Variants in TFDP2 observed in about 807,000 individuals in gnomAD.
TFDP2 encodes the protein transcription factor Dp-2.
Under a neutral mutation model 59.3 loss-of-function variants are expected in TFDP2, and 17 were observed. That is an observed-to-expected ratio of 0.29 (90% CI 0.20 to 0.43). TFDP2 has a LOEUF of 0.43. Ranked by LOEUF, TFDP2 falls within the 20% of genes least tolerant of loss-of-function variation. The probability of loss-of-function intolerance (pLI) is 1.00; values close to 1 mark genes in which losing one functional copy is unlikely to be tolerated. For missense variants in TFDP2, 391 were observed against 528.8 expected (o/e 0.74, Z 2.56); for synonymous variants, 180 against 194.7 (o/e 0.92, Z 0.63).
chr3:142,126,717 C>A (rs970809947), intron 1 of TFDP2, among the ~76,000 whole-genome samples: 2 of 151,758 alleles, frequency 1.3e-5, no homozygotes, highest in East Asian at 1.9e-4. Context: ...GAGGCTGAGG[C>A]GGGCAGATCA....
intron 3 of TFDP2, among the ~76,000 whole-genome samples, chr3:142,086,517 G>A (rs2060815685): frequency 6.6e-6 from 1 of 152,180 alleles, no homozygotes; most frequent in African/African-American, 2.4e-5. Flanking sequence ...ATGTTTATCA[G>A]TTAATTTTTA....
rs2063302115 is a variant in TFDP2, at chr3:142,149,313, G to A, written c.-223C>T. On this transcript the variant is annotated 5_prime_UTR_variant, in exon 1 of 13. Transcript: ENST00000489671. ...GCCGGGTCCCGGTGGACTCACACCC[G>A]GGGAGACGCGGCCTGCCCGGTCAAG... The A allele has an allele frequency of 2.5e-6, 1 of 394,858 alleles. No homozygotes were observed. The highest frequency in any genetic ancestry group is 4.4e-5 in the Admixed American group (1 of 22,604). The allele number at this position is 394,858 out of a possible 1,614,324, so 24.5% of individuals were successfully genotyped here.
chr3:142,083,380 C>A (rs1045818140), intron 3 of TFDP2, among the ~76,000 whole-genome samples: 3 of 152,068 alleles, frequency 2.0e-5, no homozygotes, highest in Non-Finnish European at 4.4e-5. Flanking sequence ...GAAAGGTATT[C>A]CATATTCATA....
At chr3:141,989,881 A>T (rs568295341) in intron 6 of TFDP2, among the ~76,000 whole-genome samples, 36 of 149,488 alleles carry the variant, frequency 2.4e-4, no homozygotes, top group East Asian at 9.7e-4. Context: ...TTACTTTAAT[A>T]ATAATAATAA....
At chr3:141,961,037 A>G (rs1274569951) in intron 10 of TFDP2, among the ~76,000 whole-genome samples, 1 of 152,154 alleles carries the variant, frequency 6.6e-6, no homozygotes, top group Non-Finnish European at 1.5e-5. Context: ...GCCTGGGGGA[A>G]CAGTGTCCAC....
At position 142,052,418 on chromosome 3, in the gene TFDP2, G is replaced by A. The variant is rs574052418; in HGVS notation, c.82+40643C>T. Among the ~76,000 whole-genome samples the A allele has an allele frequency of 3.0e-3, 448 of 151,726 alleles. 2 individuals are homozygous for A. The highest frequency in any genetic ancestry group is 0.01 in the African/African-American group (431 of 41,406). On this transcript the variant is annotated intron_variant, in intron 3 of 12. Transcript: ENST00000489671. Reference sequence around the variant, plus strand: ...AAATTAGCCGGGCGTGGTGGTGGGCGCCTGTAGTCCCAGCTACTCAGGAGG... The same window carrying A: ...AAATTAGCCGGGCGTGGTGGTGGGCACCTGTAGTCCCAGCTACTCAGGAGG...
intron 1 of TFDP2, among the ~76,000 whole-genome samples, chr3:142,114,930 GT>G (rs2061796947): frequency 6.6e-6 from 1 of 151,894 alleles, no homozygotes; most frequent in South Asian, 2.1e-4. Context: ...GTTACTGCCA[GT>G]TTTCAAGATG....
chr3:142,033,271 A>G (rs1400009800), intron 3 of TFDP2, among the ~76,000 whole-genome samples: 3 of 152,252 alleles, frequency 2.0e-5, no homozygotes, highest in Non-Finnish European at 4.4e-5. Context: ...CAAGTGCTCT[A>G]TGGAGCTGCA....
intron 1 of TFDP2, among the ~76,000 whole-genome samples, chr3:142,104,885 T>A (rs1193663107): frequency 6.6e-6 from 1 of 152,150 alleles, no homozygotes; most frequent in East Asian, 1.9e-4. Context: ...GTTGTAAGTG[T>A]CCTGCTTGAA....
chr3:142,017,843 G>A (rs1036071988), intron 3 of TFDP2, among the ~76,000 whole-genome samples: 2 of 151,048 alleles, frequency 1.3e-5, no homozygotes, highest in South Asian at 2.1e-4. Context: ...GAGCCACCGC[G>A]CCCAGCCAAA....
intron 10 of TFDP2, among the ~76,000 whole-genome samples, chr3:141,961,518 C>G (rs1050705232): frequency 6.6e-6 from 1 of 152,086 alleles, no homozygotes; most frequent in Non-Finnish European, 1.5e-5. Context: ...GCTGGGATTA[C>G]AGGTGTGAGC....
chr3:142,134,273 C>T (rs529054210), intron 1 of TFDP2, among the ~76,000 whole-genome samples: 6 of 151,068 alleles, frequency 4.0e-5, no homozygotes, highest in African/African-American at 9.7e-5. Flanking sequence ...CGCCTGAACC[C>T]GAGAGGCAGA....
chr3:142,083,951 T>C (rs182069389), intron 3 of TFDP2, among the ~76,000 whole-genome samples: 2 of 152,268 alleles, frequency 1.3e-5, no homozygotes, highest in East Asian at 3.9e-4. Context: ...TGGGCAAGAA[T>C]TTCTTGAGCA....
In TFDP2 at chr3:142,043,737, A is replaced by C. The variant is rs532246380; in HGVS notation, c.83-38193T>G. The stretch of plus-strand genomic sequence containing the variant: ...CCTTGGTCTTAGACCTGGGGGCCTC[A>C]GCCTGGTCAGCCAGGAGCTTCTTGC... On this transcript the variant is annotated intron_variant, in intron 3 of 12. Coordinates refer to ENST00000489671, the MANE Select transcript of TFDP2 (RefSeq NM_001178139.2). 7.7e-6 allele frequency: 11 copies of C among 1,436,200 alleles called. No homozygotes were observed. In the African/African-American group the frequency reaches 1.5e-4, roughly 20 times the overall value. 89.0% of individuals were successfully genotyped at this position (1,436,200 alleles called of 1,614,324 possible). A position where few individuals can be genotyped will look rare whatever the true frequency, so the allele number is the denominator to read the frequency against.
At chr3:142,003,005 A>G (rs1943927581) in intron 4 of TFDP2, among the ~76,000 whole-genome samples, 1 of 150,398 alleles carries the variant, frequency 6.6e-6, no homozygotes, top group South Asian at 2.1e-4. Flanking sequence ...AGCTCCCTTC[A>G]ACTTTTTTTT....
At chr3:142,028,737 A>G (rs1472334850) in intron 3 of TFDP2, 2 of 984,958 alleles carry the variant, frequency 2.0e-6, no homozygotes, top group African/African-American at 1.7e-5. Flanking sequence ...GATGCTCAAG[A>G]AAACTGTTTA....
intron 3 of TFDP2, among the ~76,000 whole-genome samples, chr3:142,021,084 C>T (rs910634576): frequency 6.6e-6 from 1 of 152,094 alleles, no homozygotes; most frequent in Admixed American, 6.6e-5. Flanking sequence ...TGCATTTGTA[C>T]TGAACCATGT....
chr3:142,126,820 C>G (rs373865511), intron 1 of TFDP2, among the ~76,000 whole-genome samples: 5 of 151,584 alleles, frequency 3.3e-5, no homozygotes, highest in East Asian at 1.9e-4. Flanking sequence ...TGGTGGCGTG[C>G]CTGTAATCCC....
At chr3:141,974,707 G>T (rs897705083) in intron 7 of TFDP2, among the ~76,000 whole-genome samples, 1 of 151,896 alleles carries the variant, frequency 6.6e-6, no homozygotes, top group Non-Finnish European at 1.5e-5. Flanking sequence ...GCATTATCTG[G>T]GAGGATTTTA....
Sources: allele counts gnomAD v4.1 joint callset (sites outside exome capture counted in the v4.1 genomes callset), GRCh38; gene constraint gnomAD v4.1.1; transcripts MANE v1.5; gene names NCBI Gene and HGNC (gene_info 2026-07-23, HGNC 2026-07-21).